The following COL6A6 variants were observed in gnomAD, a reference collection of about 807,000 sequenced individuals.
The protein encoded by COL6A6 is collagen alpha-6(VI) chain.
In COL6A6, 183 loss-of-function variants were observed where a neutral mutation model predicts 208.6. The ratio of observed to expected loss-of-function variants is 0.88; its 90% CI spans 0.78 to 0.99. COL6A6 has a LOEUF of 0.99. Ranked by LOEUF, COL6A6 falls within the 50% of genes least tolerant of loss-of-function variation. The probability of loss-of-function intolerance (pLI) is 0.00; values close to 1 mark genes in which losing one functional copy is unlikely to be tolerated. For synonymous variants in COL6A6, 973 were observed against 1,011.8 expected, an observed-to-expected ratio of 0.96 and a Z score of 0.73; for missense variants, 2,816 against 2,815.2, an observed-to-expected ratio of 1.00 and a Z score of -0.01.
chr3:130,619,199 A>G (rs2064629547), intron 23 of COL6A6, among the ~76,000 whole-genome samples: 1 of 152,172 alleles, frequency 6.6e-6, no homozygotes, highest in Non-Finnish European at 1.5e-5. Flanking sequence ...AGAGAAATAC[A>G]CTAACAATTA....
chr3:130,543,182 G>T (rs1198852131), intron 1 of COL6A6, among the ~76,000 whole-genome samples: 1 of 152,102 alleles, frequency 6.6e-6, no homozygotes, highest in Non-Finnish European at 1.5e-5. Flanking sequence ...GGGATTACAG[G>T]TGTGAGCCAC....
chr3:130,601,297 T>C (rs936446852), intron 20 of COL6A6, among the ~76,000 whole-genome samples: 1 of 151,528 alleles, frequency 6.6e-6, no homozygotes. Flanking sequence ...TGAGCAGAAG[T>C]TTATAGAGCC....
chr3:130,640,872 G>GT (rs575762885), intron 28 of COL6A6, among the ~76,000 whole-genome samples: 461 of 151,952 alleles, frequency 3.0e-3, no homozygotes, highest in Middle Eastern at 0.017. Flanking sequence ...TTTGCTTTTT[G>GT]TTTTTTCAGT....
intron 24 of COL6A6, among the ~76,000 whole-genome samples, chr3:130,626,009 T>G (rs1192873560): frequency 1.3e-5 from 2 of 152,202 alleles, no homozygotes; most frequent in Non-Finnish European, 2.9e-5. Context: ...AGCTGAACTT[T>G]CCTCAACATA....
chr3:130,639,719 T>G (rs907660011), intron 28 of COL6A6, among the ~76,000 whole-genome samples: 19 of 150,380 alleles, frequency 1.3e-4, no homozygotes, highest in Non-Finnish European at 2.7e-4. Context: ...AATGACTGAT[T>G]GGAAGCTCTG....
At chr3:130,644,923 C>T (rs1216876903) in intron 31 of COL6A6, 68 bp from the exon 32 acceptor site, 22 of 1,452,906 alleles carry the variant, frequency 1.5e-5, no homozygotes, top group Middle Eastern at 1.7e-4. Flanking sequence ...ACCTTTCTTT[C>T]CTGCACGATA....
At chr3:130,643,912 T>C (rs2065389857) in intron 31 of COL6A6, among the ~76,000 whole-genome samples, 1 of 152,180 alleles carries the variant, frequency 6.6e-6, no homozygotes, top group Non-Finnish European at 1.5e-5. Context: ...AATAGAACCA[T>C]GATGGGAATC....
chr3:130,611,025 CCTA>C (rs2064342418), intron 23 of COL6A6, among the ~76,000 whole-genome samples: 2 of 152,154 alleles, frequency 1.3e-5, no homozygotes, highest in African/African-American at 4.8e-5. Flanking sequence ...CAGAATACAG[CCTA>C]CTTTAGTAGT....
chr3:130,651,611 G>A (rs1367855022), intron 33 of COL6A6, among the ~76,000 whole-genome samples: 2 of 152,146 alleles, frequency 1.3e-5, no homozygotes, highest in African/African-American at 2.4e-5. Context: ...TGATGGATCA[G>A]GTTCAGATAG....
chr3:130,535,747 T>C (rs1472330530), intron 1 of COL6A6, among the ~76,000 whole-genome samples: 2 of 152,206 alleles, frequency 1.3e-5, no homozygotes, highest in East Asian at 3.8e-4. Context: ...ACCATATGGA[T>C]TTTGTAGGGT....
chr3:130,543,125 C>T (rs574227416), intron 1 of COL6A6, among the ~76,000 whole-genome samples: 13 of 152,124 alleles, frequency 8.5e-5, no homozygotes, highest in South Asian at 4.2e-4. Context: ...AGGATGGTCT[C>T]GATGTCCTGA....
At chr3:130,554,928 G>A (rs2062734257) in intron 1 of COL6A6, among the ~76,000 whole-genome samples, 1 of 152,110 alleles carries the variant, frequency 6.6e-6, no homozygotes, top group South Asian at 2.1e-4. Flanking sequence ...GCCCCTGAGA[G>A]GTACCTCAGT....
chr3:130,642,728 A>G (rs1485892549), intron 29 of COL6A6, 104 bp from the exon 30 acceptor site: 4 of 996,640 alleles, frequency 4.0e-6, no homozygotes, highest in Non-Finnish European at 5.9e-6. Context: ...TAATGAGAAT[A>G]AAACTTTTAA....
intron 1 of COL6A6, among the ~76,000 whole-genome samples, chr3:130,538,488 C>T (rs2107737445): frequency 6.6e-6 from 1 of 151,740 alleles, no homozygotes; most frequent in South Asian, 2.1e-4. Flanking sequence ...TACTTAGTAT[C>T]TGCTGCAAAG....
chr3:130,636,657 C>T (rs566024698), intron 28 of COL6A6, among the ~76,000 whole-genome samples: 10 of 151,888 alleles, frequency 6.6e-5, no homozygotes, highest in African/African-American at 1.7e-4. Flanking sequence ...ACAAACTATA[C>T]GATCTTTATG....
At chr3:130,668,461 A>T (rs1348652608) in intron 36 of COL6A6, among the ~76,000 whole-genome samples, 2 of 152,168 alleles carry the variant, frequency 1.3e-5, no homozygotes, top group Non-Finnish European at 2.9e-5. Context: ...CTTGGGGTCA[A>T]GAGCAAAACT....
chr3:130,561,480 TAAC>T (rs1459614778), intron 2 of COL6A6, among the ~76,000 whole-genome samples: 1 of 152,150 alleles, frequency 6.6e-6, no homozygotes, highest in Non-Finnish European at 1.5e-5. Context: ...AGGAATGAAA[TAAC>T]ACACAGGTCT....
At chr3:130,628,826 AGCT>A (rs2064972857) in intron 26 of COL6A6, among the ~76,000 whole-genome samples, 1 of 122,824 alleles carries the variant, frequency 8.1e-6, no homozygotes, top group South Asian at 2.5e-4. Context: ...TGAGACCTGC[AGCT>A]GAGGGTCCTG....
intron 21 of COL6A6, among the ~76,000 whole-genome samples, chr3:130,607,570 T>C (rs970074487): frequency 6.6e-6 from 1 of 152,158 alleles, no homozygotes; most frequent in African/African-American, 2.4e-5. Context: ...GACTCCAGAA[T>C]GTTAAAGATA....
Sources: gnomAD v4.1 joint callset for allele counts (sites outside exome capture counted in the v4.1 genomes callset) on GRCh38, gnomAD v4.1.1 for gene constraint, MANE v1.5 for transcripts, NCBI Gene and HGNC (gene_info 2026-07-23, HGNC 2026-07-21) for gene names.